Variants in OR51E2 observed in about 807,000 individuals in gnomAD.
OR51E2 encodes olfactory receptor 51E2.
Under a neutral mutation model 13.7 loss-of-function variants are expected in OR51E2, and 14 were observed. The observed-to-expected ratio is 1.02, with a 90% CI of 0.68 to 1.60. The LOEUF is 1.60. OR51E2 is among the 40% of genes most tolerant of loss of function. The pLI is 0.00. For missense variants in OR51E2, 483 were observed against 413.8 expected (o/e 1.17, Z -1.45); for synonymous variants, 180 against 157.6 (o/e 1.14, Z -1.07).
rs879754942 is a variant in OR51E2 at position 4,680,284 on chromosome 11, C to G, written c.*1465G>C. The G allele has an allele frequency of 1.3e-5, 2 of 152,106 alleles. No individual in the cohort carries two copies. Among genetic ancestry groups the G allele is most frequent in the Admixed American group, 6.5e-5 (1 of 15,280 alleles). 9.4% of individuals were successfully genotyped at this position (152,106 alleles called of 1,614,324 possible). On this transcript the variant is annotated 3_prime_UTR_variant, in exon 2 of 2. Coordinates refer to ENST00000396950, the MANE Select transcript of OR51E2 (RefSeq NM_030774.4). ...GCACATTAAAAAATGAAGACATGATCAAGGAGATGTAAGAGACAAATAGAC... is the reference window on the plus strand; with the variant it reads ...GCACATTAAAAAATGAAGACATGATGAAGGAGATGTAAGAGACAAATAGAC...
Position 4,682,311 on chromosome 11 carries a change from A to G in OR51E2, c.401T>C (p.Val134Ala). The G allele has an allele frequency of 6.2e-7, 1 of 1,614,192 alleles. No individual in the cohort carries two copies. Among genetic ancestry groups the G allele is most frequent in the African/African-American group, 1.3e-5 (1 of 75,060 alleles). ...AICHPLRHAA[V>A]LNNTVTAQIG... Reference sequence around the variant, plus strand: ...CTGGGCTGTTACTGTATTGTTGAGCACTGCAGCATGGCGCAGTGGGTGGCA... The same window carrying G: ...CTGGGCTGTTACTGTATTGTTGAGCGCTGCAGCATGGCGCAGTGGGTGGCA... Residue 134 changes from valine to alanine, a missense_variant, in exon 2 of 2, where the codon GTG (valine) becomes GCG (alanine). Physicochemically the swap from Val to Ala is moderately conservative, Grantham distance 64. Coordinates refer to ENST00000396950, the MANE Select transcript of OR51E2 (RefSeq NM_030774.4).
intron 1 of OR51E2, among the ~76,000 whole-genome samples, 197 bp from the exon 2 acceptor site, chr11:4,682,958 T>C (rs1847474942): frequency 6.6e-6 from 1 of 152,250 alleles, no homozygotes; most frequent in African/African-American, 2.4e-5. Flanking sequence ...AAAGGGAATC[T>C]TGGGAGAGCA....
At chr11:4,692,728 G>C (rs1038191243) in intron 1 of OR51E2, among the ~76,000 whole-genome samples, 1 of 151,966 alleles carries the variant, frequency 6.6e-6, no homozygotes, top group Non-Finnish European at 1.5e-5. Flanking sequence ...GAAAAGAAAG[G>C]GTGCTGGGTG....
rs916077222 is a variant in OR51E2, at chr11:4,681,930, T to C, written c.782A>G (p.His261Arg). The change falls in exon 2 of 2, where the codon CAC (histidine) becomes CGC (arginine). Residue 261 changes from histidine to arginine, a missense_variant. His to Arg is a conservative substitution (Grantham distance 29). Transcript: ENST00000396950. ...GGGATGAAGGCTGTTTCCAAAGCGG[T>C]GTACCACTGAGAGGCCAATAAGTGG... ...YVPLIGLSVVHRFGNSLHPIV... is the reference protein window; with the variant it reads ...YVPLIGLSVVRRFGNSLHPIV... 5 of 1,613,892 alleles carry C rather than the reference T, an allele frequency of 3.1e-6. No homozygotes were observed. Among genetic ancestry groups the C allele is most frequent in the African/African-American group, 1.3e-5 (1 of 74,890 alleles).
At chr11:4,691,740 C>CA (rs373184335) in intron 1 of OR51E2, 4,495 of 335,326 alleles carry the variant, frequency 0.013, 215 homozygotes, top group African/African-American at 0.091. Context: ...AGAGCTTAAA[C>CA]AAAAAAAAGC....
chr11:4,692,660 T>C (rs1298142037), intron 1 of OR51E2, among the ~76,000 whole-genome samples: 3 of 152,078 alleles, frequency 2.0e-5, no homozygotes, highest in Admixed American at 2.0e-4. Context: ...ATTAGGGTTG[T>C]GGCTGCAGAG....
rs749275718 is a variant in OR51E2, at chr11:4,680,953, A to G, written c.*796T>C. On this transcript the variant is annotated 3_prime_UTR_variant, in exon 2 of 2. Transcript: ENST00000396950. ...TAGTGGTACGATCGTGGATCACTGT[A>G]ACCTCAAACTCCTGGACTCAAGCGA... 6.6e-6 allele frequency: 1 copy of G among 152,314 alleles called. No individual in the cohort carries two copies. Among genetic ancestry groups the G allele is most frequent in the Non-Finnish European group, 1.5e-5 (1 of 68,170 alleles). The allele number at this position is 152,314 out of a possible 1,614,324, so 9.4% of individuals were successfully genotyped here.
chr11:4,681,922 C>T lies in OR51E2; in HGVS notation c.790G>A (p.Gly264Arg). The change falls in exon 2 of 2, where the codon GGA (glycine) becomes AGA (arginine). Residue 264 changes from glycine to arginine, a missense_variant. Gly to Arg is a moderately radical substitution (Grantham distance 125). Coordinates refer to ENST00000396950, the MANE Select transcript of OR51E2 (RefSeq NM_030774.4). ...CGCACAATGGGATGAAGGCTGTTTC[C>T]AAAGCGGTGTACCACTGAGAGGCCA... ...LIGLSVVHRF[G>R]NSLHPIVRVV... 5 of 1,614,022 alleles carry T rather than the reference C, an allele frequency of 3.1e-6. No individual in the cohort carries two copies. The highest frequency in any genetic ancestry group is 4.2e-6 in the Non-Finnish European group (5 of 1,179,934).
chr11:4,694,575 TACAC>T lies in OR51E2; in HGVS notation c.-51+3074_-51+3077del, dbSNP rs71050422. Among the ~76,000 whole-genome samples, 124 of 147,892 alleles carry T rather than the reference TACAC, an allele frequency of 8.4e-4. No individual in the cohort carries two copies. The Middle Eastern group carries it at 0.011, about 13-fold the overall frequency. On this transcript the variant is annotated intron_variant, in intron 1 of 1. Transcript: ENST00000396950. ...ATACACACACACATACATATATATA[TACAC>T]ACACACACACACACACACACATATG...
intron 1 of OR51E2, among the ~76,000 whole-genome samples, chr11:4,683,509 T>C (rs1417090669): frequency 6.6e-6 from 1 of 152,204 alleles, no homozygotes; most frequent in Non-Finnish European, 1.5e-5. Context: ...ATCAAGGTAG[T>C]GGCTCCCTCC....
chr11:4,690,778 G>T (rs1469014517), intron 1 of OR51E2: 1 of 411,274 alleles, frequency 2.4e-6, no homozygotes, highest in South Asian at 1.8e-5. Context: ...TTGGAATGGA[G>T]AATTTTTATC....
intron 1 of OR51E2, among the ~76,000 whole-genome samples, chr11:4,687,778 A>AACTGT (rs1156944753): frequency 6.6e-6 from 1 of 152,174 alleles, no homozygotes; most frequent in Non-Finnish European, 1.5e-5. Flanking sequence ...AGAGAAGAAC[A>AACTGT]AGGTGCTGTA....
Position 4,681,300 on chromosome 11 carries a change from C to T in OR51E2, c.*449G>A, listed in dbSNP as rs540823123. 6.0e-4 allele frequency: 101 copies of T among 169,738 alleles called. No homozygotes were observed. Among genetic ancestry groups the T allele is most frequent in the Admixed American group, 9.0e-4 (16 of 17,776 alleles). 10.5% of individuals were successfully genotyped at this position (169,738 alleles called of 1,614,324 possible). ...ATGGGATGTGGAGGTTGCAGTGAGC[C>T]GAGATCGCGCCACTGCACTCCAGCC... On this transcript the variant is annotated 3_prime_UTR_variant, in exon 2 of 2. Transcript: ENST00000396950.
At chr11:4,697,499 A>G (rs1332858778) in intron 1 of OR51E2, among the ~76,000 whole-genome samples, 154 bp downstream of exon 1, 1 of 152,220 alleles carries the variant, frequency 6.6e-6, no homozygotes, top group Non-Finnish European at 1.5e-5. Flanking sequence ...ATTTCCTGGG[A>G]ATAAATAATT....
intron 1 of OR51E2, among the ~76,000 whole-genome samples, chr11:4,683,045 C>A (rs1008426911): frequency 6.6e-5 from 10 of 151,954 alleles, no homozygotes; most frequent in Non-Finnish European, 1.0e-4. Context: ...TTTGTTGGCC[C>A]TTTTTTTTCT....
intron 1 of OR51E2, 40 bp from the exon 2 acceptor site, chr11:4,682,801 A>G: frequency 7.0e-7 from 1 of 1,428,176 alleles, no homozygotes. Context: ...TGCCCTGGAA[A>G]CTTGAAACTG....
Position 4,681,818 on chromosome 11 carries a change from G to A in OR51E2, c.894C>T (p.Ile298=). Residue 298 remains isoleucine (I), a synonymous_variant, in exon 2 of 2, where the codon ATC becomes ATT. Coordinates refer to ENST00000396950, the MANE Select transcript of OR51E2 (RefSeq NM_030774.4). ...PIIYGAKTKQ[I]RTRVLAMFKI... ...TGAACATAGCCAGCACCCGTGTTCT[G>A]ATCTGTTTGGTTTTGGCACCATAGA... 1.2e-6 allele frequency: 2 copies of A among 1,614,224 alleles called. No homozygotes were observed. The highest frequency in any genetic ancestry group is 1.6e-4 in the Middle Eastern group (1 of 6,062).
At chr11:4,683,291 G>T (rs1373414123) in intron 1 of OR51E2, among the ~76,000 whole-genome samples, 1 of 152,210 alleles carries the variant, frequency 6.6e-6, no homozygotes, top group Non-Finnish European at 1.5e-5. Context: ...GTGGAATAAT[G>T]GGTGTTCCAA....
At chr11:4,683,045 C>T (rs1008426911) in intron 1 of OR51E2, among the ~76,000 whole-genome samples, 5 of 151,954 alleles carry the variant, frequency 3.3e-5, no homozygotes, top group African/African-American at 7.2e-5. Flanking sequence ...TTTGTTGGCC[C>T]TTTTTTTTCT....
Sources: allele counts gnomAD v4.1 joint callset (sites outside exome capture counted in the v4.1 genomes callset), GRCh38; gene constraint gnomAD v4.1.1; transcripts MANE v1.5; gene names NCBI Gene and HGNC (gene_info 2026-07-23, HGNC 2026-07-21).